The following SMYD5 variants were observed in gnomAD, a reference collection of about 807,000 sequenced individuals.
SMYD5 encodes protein-lysine N-trimethyltransferase SMYD5.
In SMYD5, 35 loss-of-function variants were observed where a neutral mutation model predicts 57.4. The ratio of observed to expected loss-of-function variants is 0.61; its 90% CI spans 0.47 to 0.81. The LOEUF is 0.81. Ranked by LOEUF, SMYD5 falls within the 30% of genes least tolerant of loss-of-function variation. The pLI, the probability that SMYD5 is intolerant of heterozygous loss-of-function variation, is 0.00. For missense variants in SMYD5, 471 were observed against 527.9 expected, an observed-to-expected ratio of 0.89 and a Z score of 1.06; for synonymous variants, 198 against 189.7, an observed-to-expected ratio of 1.04 and a Z score of -0.36.
intron 1 of SMYD5, among the ~76,000 whole-genome samples, chr2:73,215,560 C>T (rs954415612): frequency 2.0e-5 from 3 of 152,220 alleles, no homozygotes; most frequent in Non-Finnish European, 4.4e-5. Context: ...TCTAGTGCTC[C>T]TGGGTGGCCA....
chr2:73,214,300 T>C lies in SMYD5; in HGVS notation c.34T>C (p.Cys12Arg). 1 of 1,613,710 alleles carries C rather than the reference T, an allele frequency of 6.2e-7. No individual in the cohort carries two copies. The highest frequency in any genetic ancestry group is 8.5e-7 in the Non-Finnish European group (1 of 1,179,866). ...CTCCATGTGCGACGTGTTCTCCTTCTGCGTGGGCGTGGCGGGCCGCGCGCG... is the reference window on the plus strand; with the variant it reads ...CTCCATGTGCGACGTGTTCTCCTTCCGCGTGGGCGTGGCGGGCCGCGCGCG... ...AASMCDVFSF[C>R]VGVAGRARVS... Residue 12 changes from cysteine to arginine, a missense_variant, in exon 1 of 13, where the codon TGC becomes CGC. Coordinates refer to ENST00000389501, the MANE Select transcript of SMYD5 (RefSeq NM_006062.3).
At chr2:73,214,456 G>A (rs1686253111) in intron 1 of SMYD5, 94 bp downstream of exon 1, 8 of 1,588,602 alleles carry the variant, frequency 5.0e-6, no homozygotes, top group African/African-American at 4.0e-5. Context: ...AGAGGCTTCT[G>A]TGCCGCTCGG....
At chr2:73,214,594 T>A in intron 1 of SMYD5, 2 of 1,506,010 alleles carry the variant, frequency 1.3e-6, no homozygotes, top group Non-Finnish European at 1.8e-6. Context: ...CCCAGCGGAA[T>A]TCGGCCAGCC....
chr2:73,217,506 A>G (rs931175439), intron 1 of SMYD5, among the ~76,000 whole-genome samples: 1 of 152,108 alleles, frequency 6.6e-6, no homozygotes, highest in South Asian at 2.1e-4. Context: ...AATTTGCTAG[A>G]TTGGGATGGG....
chr2:73,225,116 A>G (rs1268647709), intron 11 of SMYD5, 156 bp downstream of exon 11: 1 of 609,526 alleles, frequency 1.6e-6, no homozygotes, highest in African/African-American at 1.9e-5. Flanking sequence ...GCTCATGGTT[A>G]GGTTCTAACC....
Position 73,218,905 on chromosome 2 carries a change from C to T in SMYD5, c.141C>T (p.Thr47=), listed in dbSNP as rs770944099. 3.1e-6 allele frequency: 5 copies of T among 1,614,200 alleles called. No homozygotes were observed. The highest frequency in any genetic ancestry group is 1.7e-5 in the Admixed American group (1 of 60,018). Reference sequence around the variant, plus strand: ...CACAGCTCATCCGGAAGGGGGAGACCATCTTCGTAGAACGGCCCCTGGTGG... The same window carrying T: ...CACAGCTCATCCGGAAGGGGGAGACTATCTTCGTAGAACGGCCCCTGGTGG... The part of the protein sequence containing the change: ...FATQLIRKGE[T]IFVERPLVAA... The change falls in exon 2 of 13, where the codon ACC becomes ACT. Residue 47 remains threonine (T), a synonymous_variant. Coordinates refer to ENST00000389501, the MANE Select transcript of SMYD5 (RefSeq NM_006062.3).
At chr2:73,220,462 C>A (rs528278899) in intron 3 of SMYD5, among the ~76,000 whole-genome samples, 199 bp from the exon 4 acceptor site, 1 of 152,276 alleles carries the variant, frequency 6.6e-6, no homozygotes, top group East Asian at 1.9e-4. Context: ...GCTCTCCCCT[C>A]TACCTGAAAA....
chr2:73,219,584 G>C (rs1686348067), intron 2 of SMYD5, among the ~76,000 whole-genome samples: 1 of 152,222 alleles, frequency 6.6e-6, no homozygotes, highest in Non-Finnish European at 1.5e-5. Context: ...GTTTCAACAT[G>C]TTGGCTAGGC....
In SMYD5 at chr2:73,221,837, G is replaced by A. The variant is rs201647474; in HGVS notation, c.549G>A (p.Lys183=). 1.2e-6 allele frequency: 2 copies of A among 1,613,354 alleles called. No homozygotes were observed. The highest frequency in any genetic ancestry group is 4.5e-5 in the East Asian group (2 of 44,884). ...TTTGTTCACTGCAGGCGAAGGACAA[G>A]GACCGTTGGATCAGACTCTTTTCCC... ...MVATVKQAKD[K]DRWIRLFSQF... is the part of the protein sequence containing the mutation. Residue 183 remains lysine, a synonymous_variant, in exon 6 of 13, where the codon AAG becomes AAA. Coordinates refer to ENST00000389501, the MANE Select transcript of SMYD5 (RefSeq NM_006062.3).
intron 6 of SMYD5, 71 bp from the exon 7 acceptor site, chr2:73,222,684 C>T: frequency 1.5e-6 from 2 of 1,363,444 alleles, no homozygotes; most frequent in East Asian, 2.4e-5. Context: ...CCCCTAGTCG[C>T]CTGGGCCCTG....
At chr2:73,222,050 G>C (rs561182173) in intron 6 of SMYD5, 120 bp downstream of exon 6, 24 of 672,862 alleles carry the variant, frequency 3.6e-5, no homozygotes, top group Non-Finnish European at 5.9e-5. Flanking sequence ...TTAGAACTTG[G>C]GTCCAGAAAT....
chr2:73,216,492 T>A (rs1191614788), intron 1 of SMYD5, among the ~76,000 whole-genome samples: 4 of 151,890 alleles, frequency 2.6e-5, no homozygotes, highest in Non-Finnish European at 5.9e-5. Context: ...ATGTCAGGAG[T>A]TCGAGACCAG....
chr2:73,225,865 A>G lies in SMYD5; in HGVS notation c.1176A>G (p.Ser392=). The change falls in exon 13 of 13, where the codon TCA becomes TCG. Residue 392 remains serine (S), a synonymous_variant. Transcript: ENST00000389501. ...LAEADEPNVT[S]EEEEEEEEEE... is the part of the protein sequence containing the mutation. ...AGGCTGATGAACCCAATGTGACCTC[A>G]GAAGAGGAAGAGGAAGAGGAGGAGG... 1 of 1,614,204 alleles carries G rather than the reference A, an allele frequency of 6.2e-7. No homozygotes were observed. The highest frequency in any genetic ancestry group is 8.5e-7 in the Non-Finnish European group (1 of 1,180,016).
intron 1 of SMYD5, among the ~76,000 whole-genome samples, chr2:73,218,158 A>G (rs1013745353): frequency 1.8e-4 from 27 of 152,200 alleles, no homozygotes; most frequent in Non-Finnish European, 3.4e-4. Flanking sequence ...CATCTGTGCT[A>G]TATCATTACA....
At chr2:73,221,035 C>T in intron 4 of SMYD5, 130 bp from the exon 5 acceptor site, 1 of 925,026 alleles carries the variant, frequency 1.1e-6, no homozygotes, top group South Asian at 1.5e-5. Context: ...TGCCTAAGTC[C>T]TTGTCTATGA....
In SMYD5 at chr2:73,226,122, C is replaced by A; in HGVS notation, c.*176C>A. The A allele has an allele frequency of 2.3e-6, 2 of 853,664 alleles. No individual in the cohort carries two copies. Among genetic ancestry groups the A allele is most frequent in the Non-Finnish European group, 3.5e-6 (2 of 568,350 alleles). 52.9% of individuals were successfully genotyped at this position (853,664 alleles called of 1,614,324 possible). On this transcript the variant is annotated 3_prime_UTR_variant, in exon 13 of 13. Coordinates refer to ENST00000389501, the MANE Select transcript of SMYD5 (RefSeq NM_006062.3). ...TCTCTGGCCCCAACCCCCACCAGAC[C>A]TCATGCCCTGGACACTGCTGCTGAG...
chr2:73,219,137 G>A (rs1378675856), intron 2 of SMYD5, among the ~76,000 whole-genome samples, 168 bp downstream of exon 2: 2 of 152,122 alleles, frequency 1.3e-5, no homozygotes, highest in African/African-American at 2.4e-5. Flanking sequence ...AGTCTCAGGT[G>A]TTTGAGGCTT....
At chr2:73,224,813 G>C in intron 10 of SMYD5, 53 bp from the exon 11 acceptor site, 1 of 1,365,100 alleles carries the variant, frequency 7.3e-7, no homozygotes, top group Non-Finnish European at 1.0e-6. Flanking sequence ...GCAGAATTGA[G>C]GCTATTATTT....
chr2:73,214,342 C>A lies in SMYD5; in HGVS notation c.76C>A (p.Arg26Ser). ...AGRARVSVEV[R>S]FVSSAKGKGL... The stretch of plus-strand genomic sequence containing the variant: ...CCGCGCGCGGGTCTCCGTGGAAGTC[C>A]GTTTCGTGAGCAGCGCCAAGGTGAG... Residue 26 changes from arginine (R) to serine (S), a missense_variant, in exon 1 of 13, where the codon CGT becomes AGT. Physicochemically the swap from Arg to Ser is moderately radical, Grantham distance 110 (BLOSUM62 -1). Transcript: ENST00000389501. 1.9e-6 allele frequency: 3 copies of A among 1,613,524 alleles called. No homozygotes were observed. Among genetic ancestry groups the A allele is most frequent in the East Asian group, 2.2e-5 (1 of 44,842 alleles).
Sources: allele counts gnomAD v4.1 joint callset (sites outside exome capture counted in the v4.1 genomes callset), GRCh38; gene constraint gnomAD v4.1.1; transcripts MANE v1.5; gene names NCBI Gene and HGNC (gene_info 2026-07-23, HGNC 2026-07-21).